Variants in PTPRD observed in about 807,000 individuals in gnomAD.
PTPRD encodes receptor-type tyrosine-protein phosphatase delta.
Under a neutral mutation model 214.5 loss-of-function variants are expected in PTPRD, and 34 were observed. That is an observed-to-expected ratio of 0.16 (90% CI 0.12 to 0.21). The LOEUF is 0.21. Ranked by LOEUF, PTPRD falls within the 10% of genes least tolerant of loss-of-function variation. The pLI is 1.00. For synonymous variants in PTPRD, 1,128 were observed against 845.7 expected (o/e 1.33, Z -5.79); for missense variants, 2,545 against 2,398.7 (o/e 1.06, Z -1.27).
Position 8,578,380 on chromosome 9 carries a change from T to C in PTPRD, c.353-49601A>G, listed in dbSNP as rs758377574. Among the ~76,000 whole-genome samples the C allele has an allele frequency of 5.5e-4, 83 of 149,568 alleles. 1 individual carries two copies. The highest frequency in any genetic ancestry group is 1.0e-3 in the Non-Finnish European group (71 of 67,720). Reference sequence around the variant, plus strand: ...CCCTCCAACCCCTATATATAGTCTATTTATTAAACAGAGTTTAATGTTTGC... The same window carrying C: ...CCCTCCAACCCCTATATATAGTCTACTTATTAAACAGAGTTTAATGTTTGC... On this transcript the variant is annotated intron_variant, in intron 14 of 45. Transcript: ENST00000381196.
chr9:8,618,106 C>T (rs1185656272), intron 14 of PTPRD, among the ~76,000 whole-genome samples: 1 of 152,098 alleles, frequency 6.6e-6, no homozygotes, highest in African/African-American at 2.4e-5. Flanking sequence ...TCTTAATTTG[C>T]AGATGCTTTT....
At position 10,328,226 on chromosome 9, in the gene PTPRD, GT is replaced by G. The variant is rs200736926; in HGVS notation, c.-545+12736del. The stretch of plus-strand genomic sequence containing the variant: ...TTAGTAGCTCAGAGACACAGATTAA[GT>G]TTTTTATTTTCTTATTTTTCTTATT... On this transcript the variant is annotated intron_variant, in intron 3 of 45. Transcript: ENST00000381196. 5.3e-4 allele frequency among the ~76,000 whole-genome samples: 81 copies of G among 151,578 alleles called. 1 individual carries two copies. In the East Asian group the frequency reaches 0.013, roughly 24 times the overall value.
intron 2 of PTPRD, among the ~76,000 whole-genome samples, chr9:10,362,538 A>C (rs1456110742): frequency 6.6e-6 from 1 of 151,994 alleles, no homozygotes; most frequent in Non-Finnish European, 1.5e-5. Context: ...TTACACACGA[A>C]TTTTCTCTAC....
chr9:8,347,645 G>A (rs145680673), intron 39 of PTPRD, among the ~76,000 whole-genome samples: 1 of 152,126 alleles, frequency 6.6e-6, no homozygotes, highest in Admixed American at 6.6e-5. Context: ...CTAACCCCCA[G>A]TGTGACTGTA....
At chr9:8,339,481 G>T (rs1193759613) in intron 42 of PTPRD, among the ~76,000 whole-genome samples, 2 of 152,082 alleles carry the variant, frequency 1.3e-5, no homozygotes, top group African/African-American at 4.8e-5. Context: ...GACATAGAAA[G>T]AAACCTCCGA....
chr9:8,485,951 G>C lies in PTPRD; in HGVS notation c.2866C>G (p.Leu956Val). 1 of 1,614,174 alleles carries C rather than the reference G, an allele frequency of 6.2e-7. No homozygotes were observed. Among genetic ancestry groups the C allele is most frequent in the East Asian group, 2.2e-5 (1 of 44,874 alleles). ...ERNGIITKYT[L>V]LYRDINIPLL... is the part of the protein sequence containing the mutation. Reference sequence around the variant, plus strand: ...GGGATGTTGATATCCCTATAAAGAAGGGTATACTTGGTGATAATGCCATTT... The same window carrying C: ...GGGATGTTGATATCCCTATAAAGAACGGTATACTTGGTGATAATGCCATTT... Residue 956 changes from leucine to valine, a missense_variant, in exon 28 of 46, where the codon CTT becomes GTT. Leu to Val is a conservative substitution (Grantham distance 32). Transcript: ENST00000381196.
intron 2 of PTPRD, among the ~76,000 whole-genome samples, chr9:10,568,142 G>A (rs913702580): frequency 4.5e-5 from 5 of 110,720 alleles, no homozygotes; most frequent in African/African-American, 1.5e-4. Context: ...ACAGTCCCCA[G>A]TGTGTGATGT....
intron 12 of PTPRD, among the ~76,000 whole-genome samples, chr9:8,648,805 T>C (rs1010343160): frequency 6.6e-6 from 1 of 152,202 alleles, no homozygotes; most frequent in African/African-American, 2.4e-5. Flanking sequence ...ATAGACACAC[T>C]ATTTGACCAA....
chr9:9,063,566 T>G (rs2099712473), intron 10 of PTPRD, among the ~76,000 whole-genome samples: 1 of 152,208 alleles, frequency 6.6e-6, no homozygotes, highest in Non-Finnish European at 1.5e-5. Context: ...TTTTCTCCTC[T>G]AATATAATTT....
intron 4 of PTPRD, among the ~76,000 whole-genome samples, chr9:9,954,248 G>C (rs1417449641): frequency 7.4e-6 from 1 of 134,234 alleles, no homozygotes; most frequent in Non-Finnish European, 1.5e-5. Flanking sequence ...AGCCAAGACT[G>C]TGCCACTGCA....
intron 12 of PTPRD, among the ~76,000 whole-genome samples, chr9:8,702,350 C>T (rs2098107699): frequency 6.6e-6 from 1 of 151,460 alleles, no homozygotes; most frequent in Non-Finnish European, 1.5e-5. Flanking sequence ...CTTCTGTGGT[C>T]TTTTTTTTAT....
At chr9:10,135,542 C>T (rs998393417) in intron 3 of PTPRD, among the ~76,000 whole-genome samples, 1 of 152,090 alleles carries the variant, frequency 6.6e-6, no homozygotes, top group African/African-American at 2.4e-5. Flanking sequence ...TCAGCAGGAA[C>T]ATTACAAGCC....
At chr9:10,240,014 A>G (rs968884058) in intron 3 of PTPRD, among the ~76,000 whole-genome samples, 2 of 151,968 alleles carry the variant, frequency 1.3e-5, no homozygotes, top group Admixed American at 1.3e-4. Flanking sequence ...GTCCTACCCC[A>G]TACTGAGGAG....
intron 14 of PTPRD, among the ~76,000 whole-genome samples, chr9:8,602,444 G>A (rs907185681): frequency 5.9e-5 from 9 of 152,178 alleles, no homozygotes; most frequent in Admixed American, 1.3e-4. Flanking sequence ...CTTACTATGA[G>A]CCTTATCAGG....
intron 2 of PTPRD, among the ~76,000 whole-genome samples, chr9:10,586,280 A>G (rs939388650): frequency 2.0e-5 from 3 of 152,006 alleles, no homozygotes; most frequent in Non-Finnish European, 4.4e-5. Context: ...GACAAGAGAG[A>G]AAAAATGTGA....
intron 37 of PTPRD, among the ~76,000 whole-genome samples, chr9:8,385,582 C>G (rs535547015): frequency 3.3e-5 from 5 of 152,200 alleles, no homozygotes; most frequent in Admixed American, 6.5e-5. Flanking sequence ...GAGATGGGCT[C>G]TAAGGCAGGA....
intron 11 of PTPRD, among the ~76,000 whole-genome samples, chr9:8,902,022 C>T (rs542050125): frequency 2.0e-5 from 3 of 152,078 alleles, no homozygotes; most frequent in Non-Finnish European, 4.4e-5. Context: ...TCCAGTCAGC[C>T]TTTTTCTACA....
intron 11 of PTPRD, among the ~76,000 whole-genome samples, chr9:8,997,745 G>C (rs2099402463): frequency 1.3e-5 from 2 of 152,112 alleles, no homozygotes; most frequent in Non-Finnish European, 2.9e-5. Context: ...GAAACACCCA[G>C]ATAGCTGAAA....
chr9:8,662,054 C>T (rs1425701714), intron 12 of PTPRD, among the ~76,000 whole-genome samples: 1 of 152,132 alleles, frequency 6.6e-6, no homozygotes, highest in African/African-American at 2.4e-5. Flanking sequence ...GTGGCTGGGA[C>T]TCCATATGCA....
Sources: allele counts gnomAD v4.1 joint callset (sites outside exome capture counted in the v4.1 genomes callset), GRCh38; gene constraint gnomAD v4.1.1; transcripts MANE v1.5; gene names NCBI Gene and HGNC (gene_info 2026-07-23, HGNC 2026-07-21).